Variants in BANK1 observed in about 807,000 individuals in gnomAD.
The protein encoded by BANK1 is B-cell scaffold protein with ankyrin repeats.
Under a neutral mutation model 94.5 loss-of-function variants are expected in BANK1, and 95 were observed. The ratio of observed to expected loss-of-function variants is 1.00; its 90% CI spans 0.85 to 1.19. The LOEUF (loss-of-function observed/expected upper bound fraction) is 1.19, where lower values mean the gene tolerates loss of function less well. BANK1 is among the 50% of genes most tolerant of loss of function. The pLI is 0.00. For missense variants in BANK1, 987 were observed against 932.2 expected, an observed-to-expected ratio of 1.06 and a Z score of -0.77; for synonymous variants, 334 against 308.4, an observed-to-expected ratio of 1.08 and a Z score of -0.87.
intron 7 of BANK1, among the ~76,000 whole-genome samples, chr4:101,992,085 A>G (rs188827151): frequency 7.4e-4 from 113 of 152,308 alleles, no homozygotes; most frequent in African/African-American, 2.6e-3. Flanking sequence ...AGGGATGTTT[A>G]GAGGCTTGTT....
At position 101,964,105 on chromosome 4, in the gene BANK1, A is replaced by G. The variant is rs1223034620; in HGVS notation, c.1206+45916A>G. On this transcript the variant is annotated intron_variant, in intron 7 of 16. Coordinates refer to ENST00000322953, the MANE Select transcript of BANK1 (RefSeq NM_017935.5). ...GCAGCATGTAGTGCTGCTTCTTCAT[A>G]TGTTGTTGAAGAGCTCAATATATAT... is the stretch of plus-strand genomic sequence containing the variant. Among the ~76,000 whole-genome samples, 7 of 152,134 alleles carry G rather than the reference A, an allele frequency of 4.6e-5. No individual in the cohort carries two copies. The East Asian group carries it at 1.2e-3, about 25-fold the overall frequency.
chr4:102,037,534 G>A (rs17270656), intron 10 of BANK1, among the ~76,000 whole-genome samples: 47,740 of 151,976 alleles, frequency 0.31, 7,918 homozygotes, highest in South Asian at 0.45. Context: ...GTAGCTCTTC[G>A]AGAAAAATAA....
chr4:102,034,495 T>A (rs1727433530), intron 10 of BANK1, among the ~76,000 whole-genome samples: 9 of 152,236 alleles, frequency 5.9e-5, no homozygotes, highest in Admixed American at 5.9e-4. Context: ...GTGGTATATG[T>A]TCAATGCATT....
intron 7 of BANK1, among the ~76,000 whole-genome samples, chr4:101,994,769 T>C (rs1297754778): frequency 6.6e-6 from 1 of 152,152 alleles, no homozygotes; most frequent in African/African-American, 2.4e-5. Flanking sequence ...TATTTAAAAT[T>C]CTTCAATTTC....
chr4:101,882,632 A>C (rs1360289083), intron 5 of BANK1, among the ~76,000 whole-genome samples: 3 of 152,228 alleles, frequency 2.0e-5, no homozygotes. Context: ...TCTTTTACTA[A>C]ATCAGCAGTC....
At chr4:102,020,425 G>A (rs2148946253) in intron 7 of BANK1, among the ~76,000 whole-genome samples, 1 of 152,004 alleles carries the variant, frequency 6.6e-6, no homozygotes, top group East Asian at 1.9e-4. Flanking sequence ...TATAAAATGA[G>A]TTATTGCATC....
rs555531330 is a variant in BANK1, at chr4:102,073,581, C to T, written c.2299-103C>T. 7.3e-5 allele frequency: 72 copies of T among 988,116 alleles called. No individual in the cohort carries two copies. The African/African-American group carries it at 1.1e-3, about 16-fold the overall frequency. 61.2% of individuals were successfully genotyped at this position (988,116 alleles called of 1,614,324 possible). On this transcript the variant is annotated intron_variant, in intron 15 of 16. Transcript: ENST00000322953. Reference sequence around the variant, plus strand: ...AGTTTTCTCTGCAAAGCTGTTTTTCCATGGCTGTGAAAGGCAACTATAACT... The same window carrying T: ...AGTTTTCTCTGCAAAGCTGTTTTTCTATGGCTGTGAAAGGCAACTATAACT...
chr4:101,812,852 C>G (rs1319396254), intron 1 of BANK1, among the ~76,000 whole-genome samples: 2 of 151,916 alleles, frequency 1.3e-5, no homozygotes, highest in African/African-American at 4.8e-5. Context: ...TACCCAGGGA[C>G]AAAAATAATT....
chr4:102,010,124 G>A (rs1465261688), intron 7 of BANK1, among the ~76,000 whole-genome samples: 1 of 151,606 alleles, frequency 6.6e-6, no homozygotes, highest in Non-Finnish European at 1.5e-5. Context: ...AATTAGCCAG[G>A]TGTGGTGGCG....
At chr4:101,848,316 A>G (rs1276880128) in intron 2 of BANK1, among the ~76,000 whole-genome samples, 3 of 152,156 alleles carry the variant, frequency 2.0e-5, no homozygotes, top group Non-Finnish European at 2.9e-5. Flanking sequence ...AAAATTCACA[A>G]TGCGAGCCCC....
At chr4:101,928,737 G>C (rs1222979979) in intron 7 of BANK1, among the ~76,000 whole-genome samples, 1 of 151,600 alleles carries the variant, frequency 6.6e-6, no homozygotes, top group South Asian at 2.1e-4. Context: ...CAGTCAATCT[G>C]GTTCATTACT....
intron 1 of BANK1, among the ~76,000 whole-genome samples, chr4:101,810,382 A>C (rs1725700008): frequency 6.6e-6 from 1 of 152,224 alleles, no homozygotes; most frequent in Non-Finnish European, 1.5e-5. Flanking sequence ...CATGTGGGCT[A>C]TGCAAAAGCA....
At chr4:102,050,841 A>G (rs1728024146) in intron 11 of BANK1, among the ~76,000 whole-genome samples, 1 of 152,212 alleles carries the variant, frequency 6.6e-6, no homozygotes, top group Non-Finnish European at 1.5e-5. Flanking sequence ...TTGCTAATGA[A>G]AACTATTCAA....
chr4:102,073,169 C>A lies in BANK1; in HGVS notation c.2299-515C>A, dbSNP rs148563668. 3.0e-3 allele frequency among the ~76,000 whole-genome samples: 449 copies of A among 151,506 alleles called. 4 individuals are homozygous for A. Among genetic ancestry groups the A allele is most frequent in the African/African-American group, 0.01 (425 of 41,348 alleles). On this transcript the variant is annotated intron_variant, in intron 15 of 16. Transcript: ENST00000322953. ...CATAAAAATCATTCACCCTTAAAAA[C>A]GAATTGAAGCAGTTGCATTTTTTAT...
chr4:101,992,995 G>A (rs1480075754), intron 7 of BANK1, among the ~76,000 whole-genome samples: 2 of 152,170 alleles, frequency 1.3e-5, no homozygotes, highest in Non-Finnish European at 2.9e-5. Flanking sequence ...TCCTAAATGT[G>A]TAGGTTCACA....
chr4:101,928,341 A>G (rs1429046049), intron 7 of BANK1, among the ~76,000 whole-genome samples: 2 of 151,640 alleles, frequency 1.3e-5, no homozygotes, highest in African/African-American at 2.4e-5. Flanking sequence ...CTTCAAGAAA[A>G]TGTAGAGGAG....
intron 7 of BANK1, among the ~76,000 whole-genome samples, chr4:101,940,596 T>G (rs750818622): frequency 4.6e-5 from 7 of 151,824 alleles, no homozygotes; most frequent in Non-Finnish European, 1.0e-4. Context: ...TCTCAGACTT[T>G]CCTTGTGTTT....
chr4:101,832,890 C>T (rs889164863), intron 2 of BANK1, among the ~76,000 whole-genome samples: 1 of 151,380 alleles, frequency 6.6e-6, no homozygotes, highest in Non-Finnish European at 1.5e-5. Flanking sequence ...CTTTTTCCCT[C>T]CCTTCCTCCC....
intron 5 of BANK1, among the ~76,000 whole-genome samples, chr4:101,878,621 A>G (rs1467532683): frequency 2.6e-5 from 4 of 152,202 alleles, no homozygotes; most frequent in Non-Finnish European, 5.9e-5. Context: ...AAATATTTAC[A>G]GAATGTTTCA....
Sources: gnomAD v4.1 joint callset for allele counts (sites outside exome capture counted in the v4.1 genomes callset) on GRCh38, gnomAD v4.1.1 for gene constraint, MANE v1.5 for transcripts, NCBI Gene and HGNC (gene_info 2026-07-23, HGNC 2026-07-21) for gene names.